MINDY3: variants seen among roughly 807,000 people sequenced by gnomAD.
MINDY3 encodes MINDY lysine 48 deubiquitinase 3.
MINDY3 carries 38 observed loss-of-function variants against 69.2 expected under a neutral mutation model. The ratio of observed to expected loss-of-function variants is 0.55; its 90% CI spans 0.42 to 0.72. MINDY3 has a LOEUF of 0.72. Ranked by LOEUF, MINDY3 falls within the 30% of genes least tolerant of loss-of-function variation. MINDY3 has a pLI of 0.00. For missense variants in MINDY3, 522 were observed against 519.0 expected, an observed-to-expected ratio of 1.01 and a Z score of -0.06; for synonymous variants, 192 against 180.1, an observed-to-expected ratio of 1.07 and a Z score of -0.53.
intron 11 of MINDY3, 132 bp downstream of exon 11, chr10:15,795,968 A>G: frequency 1.4e-6 from 1 of 738,174 alleles, no homozygotes. Context: ...CTTTCCTTTT[A>G]AAATGTTCAA....
chr10:15,849,444 T>C (rs916971059), intron 1 of MINDY3, among the ~76,000 whole-genome samples: 1 of 148,866 alleles, frequency 6.7e-6, no homozygotes. Flanking sequence ...ATCATCTTAC[T>C]GGTTTTTTTT....
intron 8 of MINDY3, among the ~76,000 whole-genome samples, chr10:15,829,065 C>T (rs1840281793): frequency 6.6e-6 from 1 of 152,146 alleles, no homozygotes; most frequent in African/African-American, 2.4e-5. Context: ...AAAGCCTAGG[C>T]ACCTCGTTTA....
At chr10:15,828,985 T>G (rs1425896875) in intron 8 of MINDY3, among the ~76,000 whole-genome samples, 1 of 152,202 alleles carries the variant, frequency 6.6e-6, no homozygotes, top group Non-Finnish European at 1.5e-5. Flanking sequence ...CTTGAAGGGT[T>G]GTTGTAAAGA....
intron 1 of MINDY3, among the ~76,000 whole-genome samples, chr10:15,853,173 T>C (rs1213255720): frequency 6.6e-6 from 1 of 152,046 alleles, no homozygotes; most frequent in African/African-American, 2.4e-5. Flanking sequence ...ATTAATTTTG[T>C]AGACTGAAGG....
At chr10:15,825,733 T>C (rs926765280) in intron 8 of MINDY3, among the ~76,000 whole-genome samples, 2 of 152,266 alleles carry the variant, frequency 1.3e-5, no homozygotes, top group Admixed American at 6.5e-5. Flanking sequence ...TTTTGAAATA[T>C]GTATACACTG....
chr10:15,782,105 A>G, intron 14 of MINDY3, 50 bp downstream of exon 14: 1 of 1,309,404 alleles, frequency 7.6e-7, no homozygotes, highest in Non-Finnish European at 1.1e-6. Flanking sequence ...TACTCACATA[A>G]TTATTTCATC....
At chr10:15,782,838 G>C (rs187654592) in intron 13 of MINDY3, among the ~76,000 whole-genome samples, 1 of 152,156 alleles carries the variant, frequency 6.6e-6, no homozygotes, top group African/African-American at 2.4e-5. Flanking sequence ...CACTAACAGA[G>C]TAAGCTTGTA....
chr10:15,779,168 G>A, intron 14 of MINDY3, 27 bp from the exon 15 acceptor site: 2 of 1,603,202 alleles, frequency 1.2e-6, no homozygotes, highest in Non-Finnish European at 1.7e-6. Context: ...AGCCACCAAG[G>A]TCAAGCAACA....
intron 1 of MINDY3, among the ~76,000 whole-genome samples, chr10:15,850,574 G>A (rs1214228307): frequency 2.0e-5 from 3 of 151,996 alleles, no homozygotes; most frequent in African/African-American, 4.8e-5. Context: ...CTCCTGTAGC[G>A]CCCCCAGGCT....
At chr10:15,790,668 C>T (rs1052509090) in intron 11 of MINDY3, among the ~76,000 whole-genome samples, 2 of 152,228 alleles carry the variant, frequency 1.3e-5, no homozygotes, top group African/African-American at 2.4e-5. Context: ...TGGAGTCTCC[C>T]TCATCCAAAA....
intron 10 of MINDY3, among the ~76,000 whole-genome samples, chr10:15,797,413 T>A (rs979812080): frequency 5.9e-5 from 9 of 152,198 alleles, no homozygotes; most frequent in Admixed American, 3.9e-4. Context: ...CACCCTTCAC[T>A]GCATTTCCAA....
intron 11 of MINDY3, among the ~76,000 whole-genome samples, chr10:15,790,514 G>A (rs1191385041): frequency 6.6e-6 from 1 of 152,082 alleles, no homozygotes; most frequent in African/African-American, 2.4e-5. Flanking sequence ...TAGCTTTGAT[G>A]AGTCTGATCA....
chr10:15,836,423 C>T (rs2132068255), intron 6 of MINDY3, among the ~76,000 whole-genome samples: 1 of 152,038 alleles, frequency 6.6e-6, no homozygotes, highest in South Asian at 2.1e-4. Flanking sequence ...TTTTACAATG[C>T]TAAATAGATA....
intron 1 of MINDY3, among the ~76,000 whole-genome samples, chr10:15,854,582 A>C (rs1250671476): frequency 2.0e-5 from 3 of 152,136 alleles, no homozygotes; most frequent in African/African-American, 2.4e-5. Flanking sequence ...TAAGTTAAAC[A>C]TATGAGGAAA....
chr10:15,791,843 A>G (rs1837444684), intron 11 of MINDY3, among the ~76,000 whole-genome samples: 1 of 152,124 alleles, frequency 6.6e-6, no homozygotes, highest in Admixed American at 6.6e-5. Context: ...AGGAAATATA[A>G]AACAATCAGG....
chr10:15,800,592 T>C (rs1047169500), intron 10 of MINDY3, among the ~76,000 whole-genome samples: 1 of 151,998 alleles, frequency 6.6e-6, no homozygotes, highest in African/African-American at 2.4e-5. Flanking sequence ...ACTGTAACTC[T>C]TGAAAAAAAA....
At position 15,816,922 on chromosome 10, in the gene MINDY3, C is replaced by A. The variant is rs779208802; in HGVS notation, c.802-7G>T. On this transcript the variant is annotated splice_polypyrimidine_tract_variant and splice_region_variant and intron_variant, in intron 9 of 14. Transcript: ENST00000277632. ...ATTTCAAGTAAGAACCAACCTAGAACAAATGTAGCAAAATAAAACAAATAA... is the reference window on the plus strand; with the variant it reads ...ATTTCAAGTAAGAACCAACCTAGAAAAAATGTAGCAAAATAAAACAAATAA... The A allele has an allele frequency of 1.9e-6, 3 of 1,597,774 alleles. No individual in the cohort carries two copies. Among genetic ancestry groups the A allele is most frequent in the East Asian group, 4.5e-5 (2 of 44,618 alleles).
chr10:15,813,302 C>A (rs1367970485), intron 10 of MINDY3, among the ~76,000 whole-genome samples: 6 of 152,194 alleles, frequency 3.9e-5, no homozygotes, highest in Admixed American at 3.9e-4. Context: ...CCAAGTTCAT[C>A]TGTCTGTCTG....
chr10:15,784,638 G>A (rs749763102), intron 13 of MINDY3, among the ~76,000 whole-genome samples: 6 of 152,304 alleles, frequency 3.9e-5, no homozygotes, highest in Non-Finnish European at 8.8e-5. Flanking sequence ...ACAGGAGGCT[G>A]AGGCAGGAGA....
Sources: gnomAD v4.1 joint callset for allele counts (sites outside exome capture counted in the v4.1 genomes callset) on GRCh38, gnomAD v4.1.1 for gene constraint, MANE v1.5 for transcripts, NCBI Gene and HGNC (gene_info 2026-07-23, HGNC 2026-07-21) for gene names.